The following SH3TC2 variants were observed in gnomAD, a reference collection of about 807,000 sequenced individuals.
The protein encoded by SH3TC2 is SH3 domain and tetratricopeptide repeats 2, also known as SH3 domain and tetratricopeptide repeat-containing protein 2.
SH3TC2 carries 87 observed loss-of-function variants against 124.5 expected under a neutral mutation model. The observed-to-expected ratio is 0.70, with a 90% CI of 0.59 to 0.84. The LOEUF is 0.84. Among genes scored for constraint, SH3TC2 ranks in the 40% least tolerant of loss-of-function variants. The pLI, the probability that SH3TC2 is intolerant of heterozygous loss-of-function variation, is 0.00. For synonymous variants in SH3TC2, 634 were observed against 628.5 expected, an observed-to-expected ratio of 1.01 and a Z score of -0.13; for missense variants, 1,536 against 1,566.4, an observed-to-expected ratio of 0.98 and a Z score of 0.33.
chr5:149,053,316 A>G (rs960509306), intron 1 of SH3TC2, among the ~76,000 whole-genome samples: 19 of 152,090 alleles, frequency 1.2e-4, no homozygotes, highest in African/African-American at 3.6e-4. Context: ...CTGTGTCTCC[A>G]CTCTGTGCCT....
At position 149,009,566 on chromosome 5, in the gene SH3TC2, G is replaced by C. The variant is rs147397312; in HGVS notation, c.3328-565C>G. ...CCTGGCACAGACTGGGTATTTGCTA[G>C]CATTTGATGACTGAATAAACAACTG... is the stretch of plus-strand genomic sequence containing the variant. On this transcript the variant is annotated intron_variant, in intron 14 of 16. Coordinates refer to ENST00000515425, the MANE Select transcript of SH3TC2 (RefSeq NM_024577.4). Among the ~76,000 whole-genome samples, 752 of 152,222 alleles carry C rather than the reference G, an allele frequency of 4.9e-3. 10 individuals are homozygous for C. The highest frequency in any genetic ancestry group is 0.017 in the African/African-American group (712 of 41,522).
At position 148,983,931 on chromosome 5, in the gene SH3TC2, C is replaced by T. The variant is rs1405154982; in HGVS notation, c.*20780G>A. Among the ~76,000 whole-genome samples the T allele has an allele frequency of 6.6e-6, 1 of 152,170 alleles. No homozygotes were observed. The highest frequency in any genetic ancestry group is 1.5e-5 in the Non-Finnish European group (1 of 68,022). ...GGTGACATCTTTGAGGTACTATCAA[C>T]CTGCTCCTGGAACCAGTGTGGTTTT... is the stretch of plus-strand genomic sequence containing the variant. On this transcript the variant is annotated 3_prime_UTR_variant, in exon 17 of 17. Coordinates refer to ENST00000515425, the MANE Select transcript of SH3TC2 (RefSeq NM_024577.4).
rs1224364880 is a variant in SH3TC2, at chr5:148,993,135, T to A, written c.*11576A>T. ...TTGTCCCTCACCGTTTCGATTGAAA[T>A]AATCAGTTCAAAATAAAACTGACAA... On this transcript the variant is annotated 3_prime_UTR_variant, in exon 17 of 17. Transcript: ENST00000515425. Among the ~76,000 whole-genome samples the A allele has an allele frequency of 6.6e-6, 1 of 152,172 alleles. No individual in the cohort carries two copies. Among genetic ancestry groups the A allele is most frequent in the African/African-American group, 2.4e-5 (1 of 41,440 alleles).
chr5:149,005,536 C>T (rs902874354), intron 16 of SH3TC2, among the ~76,000 whole-genome samples: 2 of 152,144 alleles, frequency 1.3e-5, no homozygotes, highest in Non-Finnish European at 2.9e-5. Context: ...CCGTGGAGTT[C>T]TTGGTTGACA....
At chr5:149,023,852 G>A (rs1408057591) in intron 12 of SH3TC2, among the ~76,000 whole-genome samples, 2 of 152,100 alleles carry the variant, frequency 1.3e-5, no homozygotes, top group Non-Finnish European at 2.9e-5. Flanking sequence ...GGTTAAAAAG[G>A]TGTAATGCTT....
intron 1 of SH3TC2, among the ~76,000 whole-genome samples, chr5:149,055,847 C>T (rs771407672): frequency 3.3e-5 from 5 of 152,024 alleles, no homozygotes; most frequent in South Asian, 4.2e-4. Context: ...TTTGGGAGGC[C>T]GAGTCTAGAG....
chr5:149,046,258 G>T, intron 3 of SH3TC2: 1 of 153,378 alleles, frequency 6.5e-6, no homozygotes, highest in Non-Finnish European at 1.5e-5. Flanking sequence ...AGGGGTGCTA[G>T]GTAAAAATCA....
chr5:149,026,867 A>C lies in SH3TC2; in HGVS notation c.2865T>G (p.His955Gln). 6.2e-7 allele frequency: 1 copy of C among 1,614,192 alleles called. No homozygotes were observed. Among genetic ancestry groups the C allele is most frequent in the Non-Finnish European group, 8.5e-7 (1 of 1,180,046 alleles). ...MALLFGLRHR[H>Q]LKSQLQATKS... ...AGCATGGGACATACTTACTCTTTAG[A>C]TGTCGATGCCTTAAGCCAAACAGCA... The change falls in exon 11 of 17, where the codon CAT becomes CAG. Residue 955 changes from histidine (H) to glutamine (Q), a missense_variant. Physicochemically the swap from His to Gln is conservative, Grantham distance 24. Coordinates refer to ENST00000515425, the MANE Select transcript of SH3TC2 (RefSeq NM_024577.4).
At chr5:149,006,608 G>A (rs537420316) in intron 16 of SH3TC2, among the ~76,000 whole-genome samples, 1 of 152,230 alleles carries the variant, frequency 6.6e-6, no homozygotes, top group East Asian at 1.9e-4. Flanking sequence ...GACAGATAAA[G>A]AAGCCACAGA....
At position 149,040,629 on chromosome 5, in the gene SH3TC2, C is replaced by A; in HGVS notation, c.780G>T (p.Arg260Ser). The change falls in exon 7 of 17, where the codon AGG (arginine) becomes AGT (serine). Residue 260 changes from arginine (R) to serine (S), a missense_variant. Arg to Ser is a moderately radical substitution (Grantham distance 110). Coordinates refer to ENST00000515425, the MANE Select transcript of SH3TC2 (RefSeq NM_024577.4). ...CAATCTGATAGGAGCCTGTCCAATCCCTCTTCCTGGAAAGGCCACAGCTTC... is the reference window on the plus strand; with the variant it reads ...CAATCTGATAGGAGCCTGTCCAATCACTCTTCCTGGAAAGGCCACAGCTTC... ...YPGSCGLSRK[R>S]DWTGSYQIGR... is the part of the protein sequence containing the mutation. 3.7e-6 allele frequency: 6 copies of A among 1,614,118 alleles called. No homozygotes were observed. The highest frequency in any genetic ancestry group is 5.1e-6 in the Non-Finnish European group (6 of 1,179,978).
intron 8 of SH3TC2, among the ~76,000 whole-genome samples, chr5:149,033,332 G>A (rs1754229972): frequency 1.3e-5 from 2 of 152,060 alleles, no homozygotes; most frequent in Non-Finnish European, 1.5e-5. Context: ...CAAAGCTTCT[G>A]GCAATATGGC....
intron 13 of SH3TC2, among the ~76,000 whole-genome samples, chr5:149,011,885 G>C (rs1010973683): frequency 6.6e-6 from 1 of 152,150 alleles, no homozygotes; most frequent in Non-Finnish European, 1.5e-5. Flanking sequence ...AAAATATAAT[G>C]TATTAAACAT....
chr5:149,043,686 G>A (rs186870124), intron 4 of SH3TC2: 4 of 149,180 alleles, frequency 2.7e-5, no homozygotes, highest in Admixed American at 1.3e-4. Context: ...TGCTGCCAAC[G>A]AGCCGGTCTA....
At chr5:149,024,556 T>A (rs1245590673) in intron 12 of SH3TC2, among the ~76,000 whole-genome samples, 1 of 152,242 alleles carries the variant, frequency 6.6e-6, no homozygotes, top group Non-Finnish European at 1.5e-5. Context: ...CTCAACGTTT[T>A]ACTGGAAGGT....
chr5:149,017,351 C>G (rs1453410804), intron 12 of SH3TC2, among the ~76,000 whole-genome samples: 1 of 152,136 alleles, frequency 6.6e-6, no homozygotes, highest in Non-Finnish European at 1.5e-5. Flanking sequence ...TCCCTAAGAT[C>G]CCTCCCATTG....
chr5:149,027,969 C>A lies in SH3TC2; in HGVS notation c.1763G>T (p.Gly588Val), dbSNP rs760899669. 2.0e-5 allele frequency: 33 copies of A among 1,614,048 alleles called. No homozygotes were observed. The highest frequency in any genetic ancestry group is 2.6e-5 in the Non-Finnish European group (31 of 1,180,044). The change falls in exon 11 of 17, where the codon GGC becomes GTC. Residue 588 changes from glycine to valine, a missense_variant. Coordinates refer to ENST00000515425, the MANE Select transcript of SH3TC2 (RefSeq NM_024577.4). ...ACCTGCCTTTTCCAACAGGGCGGAG[C>A]CTTTATGTCTCAGCCTCTGTTTCAG... Reference protein sequence around the residue: ...IYLKQRLRHKGSALLEKAGAL... With the variant: ...IYLKQRLRHKVSALLEKAGAL...
At position 149,004,591 on chromosome 5, in the gene SH3TC2, T is replaced by C; in HGVS notation, c.*120A>G. ...TCCTCCTGGACTTCATTCTTCTTCT[T>C]GTGAAATGAGGGGGCTAGGCCAGGT... On this transcript the variant is annotated 3_prime_UTR_variant, in exon 17 of 17. Coordinates refer to ENST00000515425, the MANE Select transcript of SH3TC2 (RefSeq NM_024577.4). 9.7e-7 allele frequency: 1 copy of C among 1,033,670 alleles called. No homozygotes were observed. Among genetic ancestry groups the C allele is most frequent in the Non-Finnish European group, 1.4e-6 (1 of 714,756 alleles). 64.0% of individuals were successfully genotyped at this position (1,033,670 alleles called of 1,614,324 possible).
rs1753419082 is a variant in SH3TC2 at position 148,991,509 on chromosome 5, G to T, written c.*13202C>A. On this transcript the variant is annotated 3_prime_UTR_variant, in exon 17 of 17. Transcript: ENST00000515425. ...GTTTCTTGAGTGGGCTTCCACCTTA[G>T]CTTTTGCTTTCTGTCAGATAATACA... Among the ~76,000 whole-genome samples the T allele has an allele frequency of 6.6e-6, 1 of 152,188 alleles. No individual in the cohort carries two copies. Among genetic ancestry groups the T allele is most frequent in the African/African-American group, 2.4e-5 (1 of 41,440 alleles).
At chr5:149,019,989 A>T (rs1213099077) in intron 12 of SH3TC2, among the ~76,000 whole-genome samples, 1 of 152,194 alleles carries the variant, frequency 6.6e-6, no homozygotes, top group Non-Finnish European at 1.5e-5. Flanking sequence ...AACCTCACTC[A>T]GAGCTCACTC....
Sources: gnomAD v4.1 joint callset for allele counts (sites outside exome capture counted in the v4.1 genomes callset) on GRCh38, gnomAD v4.1.1 for gene constraint, MANE v1.5 for transcripts, NCBI Gene and HGNC (gene_info 2026-07-23, HGNC 2026-07-21) for gene names.